Variants in STAG1 observed in about 807,000 individuals in gnomAD.
STAG1 encodes the protein STAG1 cohesin complex component.
Under a neutral mutation model 170.9 loss-of-function variants are expected in STAG1, and 26 were observed. The observed-to-expected ratio is 0.15, with a 90% CI of 0.11 to 0.21. The LOEUF is 0.21. Ranked by LOEUF, STAG1 falls within the 10% of genes least tolerant of loss-of-function variation. The pLI, the probability that STAG1 is intolerant of heterozygous loss-of-function variation, is 1.00. For synonymous variants in STAG1, 514 were observed against 497.7 expected (o/e 1.03, Z -0.44); for missense variants, 964 against 1,509.5 (o/e 0.64, Z 5.99).
chr3:136,374,735 G>GT (rs1241827250), intron 23 of STAG1, among the ~76,000 whole-genome samples: 2 of 151,696 alleles, frequency 1.3e-5, no homozygotes, highest in African/African-American at 2.4e-5. Flanking sequence ...AAGAATTATA[G>GT]TATGATAAGG....
At chr3:136,510,591 C>G (rs970211401) in intron 7 of STAG1, among the ~76,000 whole-genome samples, 1 of 150,698 alleles carries the variant, frequency 6.6e-6, no homozygotes, top group Non-Finnish European at 1.5e-5. Flanking sequence ...TGAGTTCTCA[C>G]GAGATCTGAT....
chr3:136,382,275 T>C (rs1938009608), intron 22 of STAG1, among the ~76,000 whole-genome samples: 1 of 152,118 alleles, frequency 6.6e-6, no homozygotes, highest in Non-Finnish European at 1.5e-5. Context: ...TTATGTAAAA[T>C]GATTACTTCC....
At chr3:136,450,001 AT>A (rs1401088455) in intron 14 of STAG1, among the ~76,000 whole-genome samples, 1 of 150,058 alleles carries the variant, frequency 6.7e-6, no homozygotes, top group African/African-American at 2.5e-5. Context: ...GGCTCAAGGG[AT>A]CCTCCCACCT....
At chr3:136,639,486 G>A (rs1940710980) in intron 1 of STAG1, among the ~76,000 whole-genome samples, 1 of 152,034 alleles carries the variant, frequency 6.6e-6, no homozygotes, top group South Asian at 2.1e-4. Flanking sequence ...ATACAAATAA[G>A]AATTGTGTGA....
chr3:136,379,256 G>GT (rs1937802408), intron 22 of STAG1, among the ~76,000 whole-genome samples: 2 of 152,168 alleles, frequency 1.3e-5, no homozygotes, highest in South Asian at 2.1e-4. Context: ...GAGTGCTATG[G>GT]TAGGAGAAAA....
At chr3:136,561,891 T>C (rs1165920704) in intron 5 of STAG1, among the ~76,000 whole-genome samples, 1 of 152,054 alleles carries the variant, frequency 6.6e-6, no homozygotes, top group Non-Finnish European at 1.5e-5. Context: ...TACAAAGAAC[T>C]TCTGAATACC....
chr3:136,644,633 T>C (rs924928700), intron 1 of STAG1, among the ~76,000 whole-genome samples: 1 of 152,252 alleles, frequency 6.6e-6, no homozygotes, highest in East Asian at 1.9e-4. Flanking sequence ...CAGGCTGTTA[T>C]GTGGAATTAA....
chr3:136,441,641 T>A (rs1241583113), intron 15 of STAG1, among the ~76,000 whole-genome samples: 1 of 152,164 alleles, frequency 6.6e-6, no homozygotes, highest in Admixed American at 6.6e-5. Context: ...CACTGGGGGA[T>A]GCTCACTCTC....
At chr3:136,398,723 T>G in intron 22 of STAG1, 26 bp downstream of exon 22, 3 of 1,493,996 alleles carry the variant, frequency 2.0e-6, no homozygotes, top group Non-Finnish European at 1.8e-6. Context: ...GTAATAACCC[T>G]TCTGCCTACA....
At chr3:136,435,100 A>G (rs939640715) in intron 15 of STAG1, among the ~76,000 whole-genome samples, 1 of 152,206 alleles carries the variant, frequency 6.6e-6, no homozygotes, top group Non-Finnish European at 1.5e-5. Flanking sequence ...AATTTGTTAT[A>G]ACTTAATATG....
intron 1 of STAG1, among the ~76,000 whole-genome samples, chr3:136,691,421 C>T (rs1451038873): frequency 2.0e-5 from 3 of 149,648 alleles, no homozygotes; most frequent in South Asian, 2.1e-4. Context: ...GGTGACAGAG[C>T]GAGACTCTCA....
intron 3 of STAG1, among the ~76,000 whole-genome samples, chr3:136,619,796 C>T (rs189908341): frequency 4.8e-5 from 7 of 144,482 alleles, no homozygotes; most frequent in African/African-American, 1.5e-4. Flanking sequence ...GCCGGGGTAG[C>T]GGTTCCTGCC....
In STAG1 at chr3:136,366,957, T is replaced by C. The variant is rs1475738399; in HGVS notation, c.2671A>G (p.Lys891Glu). The change falls in exon 25 of 34, where the codon AAA becomes GAA. Residue 891 changes from lysine (K) to glutamate (E), a missense_variant. This residue lies in a region of STAG1 where 149 missense variants were observed against 301.3 expected (regional missense o/e 0.49). Transcript: ENST00000383202. ...VDMHAAADIF[K>E]HYMKYYNDYG... Reference sequence around the variant, plus strand: ...TTTAACTATACCTTCATGTAGTGTTTGAAGATGTCTGCAGCTGCATGCATG... The same window carrying C: ...TTTAACTATACCTTCATGTAGTGTTCGAAGATGTCTGCAGCTGCATGCATG... 1 of 1,603,506 alleles carries C rather than the reference T, an allele frequency of 6.2e-7. No individual in the cohort carries two copies. Among genetic ancestry groups the C allele is most frequent in the African/African-American group, 1.3e-5 (1 of 74,820 alleles).
At position 136,524,643 on chromosome 3, in the gene STAG1, G is replaced by A. The variant is rs7615196; in HGVS notation, c.472-3226C>T. 3.6e-3 allele frequency among the ~76,000 whole-genome samples: 541 copies of A among 152,314 alleles called. 7 individuals are homozygous for A. The highest frequency in any genetic ancestry group is 0.012 in the African/African-American group (517 of 41,560). ...ACTTCCAACACTATGTTGAATAGGA[G>A]TGGTGAGAGAGGGCATCCCTGTCTT... is the stretch of plus-strand genomic sequence containing the variant. On this transcript the variant is annotated intron_variant, in intron 6 of 33. Transcript: ENST00000383202.
intron 1 of STAG1, among the ~76,000 whole-genome samples, chr3:136,716,352 A>C (rs976663951): frequency 2.0e-5 from 3 of 151,870 alleles, no homozygotes; most frequent in African/African-American, 7.3e-5. Context: ...AGTGCCAGCT[A>C]CTCGGGAGGC....
chr3:136,524,213 A>C lies in STAG1; in HGVS notation c.472-2796T>G, dbSNP rs554338892. Among the ~76,000 whole-genome samples the C allele has an allele frequency of 7.7e-3, 1,172 of 151,984 alleles. 19 individuals are homozygous for C. The highest frequency in any genetic ancestry group is 0.027 in the African/African-American group (1,100 of 41,254). On this transcript the variant is annotated intron_variant, in intron 6 of 33. Coordinates refer to ENST00000383202, the MANE Select transcript of STAG1 (RefSeq NM_005862.3). ...TATGGCCATTTTCACGATATTGATT[A>C]TTCCTATCCATGAGCATGGAATGTT...
At chr3:136,699,084 G>A (rs761027882) in intron 1 of STAG1, among the ~76,000 whole-genome samples, 1 of 152,214 alleles carries the variant, frequency 6.6e-6, no homozygotes, top group Admixed American at 6.5e-5. Context: ...GTTTGGAAGG[G>A]TGTGAGGGTT....
At chr3:136,341,236 GGCCATGCA>G (rs1935957306) in intron 31 of STAG1, among the ~76,000 whole-genome samples, 197 bp downstream of exon 31, 2 of 152,210 alleles carry the variant, frequency 1.3e-5, no homozygotes, top group Non-Finnish European at 2.9e-5. Flanking sequence ...GCTTGTCCAA[GGCCATGCA>G]GCTGCCAAGT....
intron 1 of STAG1, among the ~76,000 whole-genome samples, chr3:136,745,612 T>C (rs1413139216): frequency 6.6e-6 from 1 of 152,210 alleles, no homozygotes; most frequent in Non-Finnish European, 1.5e-5. Flanking sequence ...AGGAGGTGGA[T>C]GGAGCACAGG....
Sources: allele counts gnomAD v4.1 joint callset (sites outside exome capture counted in the v4.1 genomes callset), GRCh38; gene constraint gnomAD v4.1.1; regional missense constraint gnomAD v4.1.1; transcripts MANE v1.5; gene names NCBI Gene and HGNC (gene_info 2026-07-23, HGNC 2026-07-21).